The following PRKG1 variants were observed in gnomAD, a reference collection of about 807,000 sequenced individuals.
The protein encoded by PRKG1 is cGMP-dependent protein kinase 1.
PRKG1 carries 35 observed loss-of-function variants against 88.1 expected under a neutral mutation model. That is an observed-to-expected ratio of 0.40 (90% CI 0.30 to 0.53). PRKG1 has a LOEUF of 0.53. PRKG1 is among the 20% of genes least tolerant of loss of function. PRKG1 has a pLI of 0.59. For missense variants in PRKG1, 540 were observed against 839.8 expected, an observed-to-expected ratio of 0.64 and a Z score of 4.41; for synonymous variants, 303 against 292.5, an observed-to-expected ratio of 1.04 and a Z score of -0.37.
chr10:51,075,462 G>T (rs1368687594), intron 1 of PRKG1, among the ~76,000 whole-genome samples: 1 of 152,206 alleles, frequency 6.6e-6, no homozygotes, highest in African/African-American at 2.4e-5. Flanking sequence ...GAAAAAGGAA[G>T]AATTTTTGAT....
chr10:51,372,781 G>C (rs1842730815), intron 2 of PRKG1, among the ~76,000 whole-genome samples: 1 of 152,092 alleles, frequency 6.6e-6, no homozygotes, highest in Non-Finnish European at 1.5e-5. Flanking sequence ...CATCTATTGA[G>C]ATAATCACAT....
chr10:51,941,743 G>C (rs1174872345), intron 5 of PRKG1, among the ~76,000 whole-genome samples: 1 of 151,770 alleles, frequency 6.6e-6, no homozygotes, highest in Non-Finnish European at 1.5e-5. Context: ...TGAGAATGAT[G>C]ATTTCCAATT....
chr10:51,259,721 C>A (rs1839655394), intron 2 of PRKG1, among the ~76,000 whole-genome samples: 1 of 152,162 alleles, frequency 6.6e-6, no homozygotes, highest in African/African-American at 2.4e-5. Flanking sequence ...GATGACCCAC[C>A]CACCTTGGCC....
At chr10:51,858,571 C>G (rs1840780356) in intron 4 of PRKG1, among the ~76,000 whole-genome samples, 1 of 147,972 alleles carries the variant, frequency 6.8e-6, no homozygotes. Context: ...AAAAAAAAAC[C>G]CTATTAAAAC....
In PRKG1 at chr10:51,129,385, C is replaced by T. The variant is rs1215532389; in HGVS notation, c.312-23779C>T. On this transcript the variant is annotated intron_variant, in intron 1 of 17. Coordinates refer to ENST00000373980, the MANE Select transcript of PRKG1 (RefSeq NM_006258.4). ...GCTTGAACCCGAGAGGCGGGGGTTG[C>T]AGTGAGCCAAGATCGTGCCACCACA... Among the ~76,000 whole-genome samples, 3 of 151,542 alleles carry T rather than the reference C, an allele frequency of 2.0e-5. No individual in the cohort carries two copies. The East Asian group carries it at 5.8e-4, about 29-fold the overall frequency.
In PRKG1 at chr10:51,512,167, T is replaced by A. The variant is rs192387397; in HGVS notation, c.592+44331T>A. ...GGGACACAGAGAGTACTTCTCTCAT[T>A]CTAATTAATTTTTTTTTTTTTTTTA... is the stretch of plus-strand genomic sequence containing the variant. On this transcript the variant is annotated intron_variant, in intron 3 of 17. Transcript: ENST00000373980. Among the ~76,000 whole-genome samples, 123 of 139,644 alleles carry A rather than the reference T, an allele frequency of 8.8e-4. 1 individual carries two copies. In the East Asian group the frequency reaches 0.022, roughly 25 times the overall value. 91.6% of individuals were successfully genotyped at this position (139,644 alleles called of 152,430 possible).
intron 3 of PRKG1, among the ~76,000 whole-genome samples, chr10:51,547,262 A>G (rs963907395): frequency 1.3e-5 from 2 of 152,132 alleles, no homozygotes; most frequent in Non-Finnish European, 2.9e-5. Context: ...TATCAGTAAG[A>G]ACTTTCATTG....
At chr10:51,379,723 A>T (rs1266709406) in intron 2 of PRKG1, among the ~76,000 whole-genome samples, 1 of 152,228 alleles carries the variant, frequency 6.6e-6, no homozygotes, top group Non-Finnish European at 1.5e-5. Flanking sequence ...CGACAGATTT[A>T]ACTGAAGAGT....
At chr10:51,886,972 A>G (rs1841585596) in intron 4 of PRKG1, among the ~76,000 whole-genome samples, 1 of 135,488 alleles carries the variant, frequency 7.4e-6, no homozygotes, top group Non-Finnish European at 1.6e-5. Flanking sequence ...CACAGAGCCA[A>G]ATGTATGCCA....
chr10:51,122,911 T>C (rs906999106), intron 1 of PRKG1, among the ~76,000 whole-genome samples: 10 of 152,230 alleles, frequency 6.6e-5, no homozygotes, highest in African/African-American at 2.4e-4. Context: ...AGGCTTCCTA[T>C]AGCCTGCCCT....
At chr10:51,787,080 C>T (rs1231123446) in intron 3 of PRKG1, among the ~76,000 whole-genome samples, 2 of 152,110 alleles carry the variant, frequency 1.3e-5, no homozygotes, top group Admixed American at 1.3e-4. Context: ...GAAGGACTTA[C>T]AGAAGATGAG....
chr10:51,962,098 A>G (rs897780380), intron 5 of PRKG1, among the ~76,000 whole-genome samples: 4 of 152,206 alleles, frequency 2.6e-5, no homozygotes, highest in African/African-American at 9.6e-5. Flanking sequence ...AAGGCTTGAA[A>G]GCAAAGAGTA....
At chr10:51,018,259 G>A (rs540358563) in intron 1 of PRKG1, among the ~76,000 whole-genome samples, 64 of 152,142 alleles carry the variant, frequency 4.2e-4, no homozygotes, top group Non-Finnish European at 7.4e-4. Flanking sequence ...TTCTAGGTCG[G>A]CTTTTTTCCT....
At chr10:52,035,507 G>A (rs1000455659) in intron 5 of PRKG1, among the ~76,000 whole-genome samples, 80 of 152,132 alleles carry the variant, frequency 5.3e-4, no homozygotes, top group African/African-American at 1.9e-3. Flanking sequence ...TGGTGGAACC[G>A]CCAACAATAA....
chr10:51,135,039 T>G (rs1311685004), intron 1 of PRKG1, among the ~76,000 whole-genome samples: 1 of 152,190 alleles, frequency 6.6e-6, no homozygotes, highest in Admixed American at 6.5e-5. Flanking sequence ...CCATGTTGAG[T>G]TTGTGGAGCA....
chr10:52,293,408 CTACTT>C (rs1222403954), intron 17 of PRKG1, among the ~76,000 whole-genome samples: 2 of 151,854 alleles, frequency 1.3e-5, no homozygotes, highest in African/African-American at 4.8e-5. Context: ...TTGGAAAAAA[CTACTT>C]TAAAGTTCAT....
chr10:52,207,275 G>A (rs1166242489), intron 9 of PRKG1, among the ~76,000 whole-genome samples: 1 of 152,110 alleles, frequency 6.6e-6, no homozygotes, highest in Non-Finnish European at 1.5e-5. Flanking sequence ...CTGTATGCAG[G>A]CTAGTCTGCT....
At chr10:51,919,418 C>T (rs897722978) in intron 5 of PRKG1, among the ~76,000 whole-genome samples, 1 of 152,128 alleles carries the variant, frequency 6.6e-6, no homozygotes, top group Non-Finnish European at 1.5e-5. Flanking sequence ...CTCCTCTTCA[C>T]TCTCTGGGAA....
intron 9 of PRKG1, among the ~76,000 whole-genome samples, chr10:52,234,069 A>T (rs375256937): frequency 6.6e-6 from 1 of 151,962 alleles, no homozygotes; most frequent in Non-Finnish European, 1.5e-5. Flanking sequence ...CACCTCACAC[A>T]GCAGGGTATT....
Sources: gnomAD v4.1 joint callset for allele counts (sites outside exome capture counted in the v4.1 genomes callset) on GRCh38, gnomAD v4.1.1 for gene constraint, MANE v1.5 for transcripts, NCBI Gene and HGNC (gene_info 2026-07-23, HGNC 2026-07-21) for gene names.